Variants in INPP4B observed in about 807,000 individuals in gnomAD.
INPP4B encodes the protein inositol polyphosphate-4-phosphatase type II B.
Under a neutral mutation model 122.5 loss-of-function variants are expected in INPP4B, and 55 were observed. The ratio of observed to expected loss-of-function variants is 0.45; its 90% CI spans 0.36 to 0.56. The LOEUF is 0.56. Ranked by LOEUF, INPP4B falls within the 20% of genes least tolerant of loss-of-function variation. INPP4B has a pLI of 0.00. For synonymous variants in INPP4B, 403 were observed against 388.7 expected, an observed-to-expected ratio of 1.04 and a Z score of -0.43; for missense variants, 1,000 against 1,097.7, an observed-to-expected ratio of 0.91 and a Z score of 1.26.
At chr4:142,543,112 C>G (rs1033667947) in intron 2 of INPP4B, among the ~76,000 whole-genome samples, 1 of 152,140 alleles carries the variant, frequency 6.6e-6, no homozygotes, top group Non-Finnish European at 1.5e-5. Flanking sequence ...TGTATGTGCA[C>G]AATTTAGAAT....
chr4:142,316,085 T>A (rs774136343), intron 7 of INPP4B, among the ~76,000 whole-genome samples: 14 of 152,178 alleles, frequency 9.2e-5, no homozygotes, highest in Non-Finnish European at 1.9e-4. Flanking sequence ...CATTTGAACT[T>A]CTAGCTTAAT....
At chr4:142,677,112 C>A (rs1757927253) in intron 2 of INPP4B, among the ~76,000 whole-genome samples, 5 of 152,078 alleles carry the variant, frequency 3.3e-5, no homozygotes, top group Admixed American at 2.6e-4. Context: ...CAGCTAATAT[C>A]CAGAATCTAC....
At chr4:142,488,824 A>C (rs1821502105) in intron 2 of INPP4B, among the ~76,000 whole-genome samples, 1 of 151,538 alleles carries the variant, frequency 6.6e-6, no homozygotes, top group South Asian at 2.1e-4. Context: ...GAAAAACACA[A>C]CTTCCAGTCT....
chr4:142,370,484 A>G (rs148740516), intron 7 of INPP4B, among the ~76,000 whole-genome samples: 1 of 152,170 alleles, frequency 6.6e-6, no homozygotes. Flanking sequence ...AAGACATCCA[A>G]ATTGGAAAAG....
At chr4:142,487,016 G>A (rs1013836057) in intron 2 of INPP4B, among the ~76,000 whole-genome samples, 5 of 152,118 alleles carry the variant, frequency 3.3e-5, no homozygotes, top group East Asian at 1.9e-4. Flanking sequence ...TAATTCCCAC[G>A]TGTTTTGGGA....
chr4:142,487,718 T>A (rs1285247530), intron 2 of INPP4B, among the ~76,000 whole-genome samples: 2 of 152,152 alleles, frequency 1.3e-5, no homozygotes, highest in Non-Finnish European at 2.9e-5. Flanking sequence ...TAATCTAAAA[T>A]TTATTTGCAG....
At chr4:142,681,239 T>C (rs944024291) in intron 2 of INPP4B, among the ~76,000 whole-genome samples, 3 of 151,824 alleles carry the variant, frequency 2.0e-5, no homozygotes, top group Non-Finnish European at 4.4e-5. Flanking sequence ...TACCATCCTT[T>C]TTTGAAACTC....
intron 14 of INPP4B, among the ~76,000 whole-genome samples, chr4:142,203,923 T>A (rs1440598058): frequency 6.6e-6 from 1 of 152,118 alleles, no homozygotes; most frequent in Non-Finnish European, 1.5e-5. Flanking sequence ...ATTATTACCT[T>A]GCAATAATAA....
intron 3 of INPP4B, among the ~76,000 whole-genome samples, chr4:142,449,610 G>T (rs1039398333): frequency 6.6e-6 from 1 of 151,954 alleles, no homozygotes; most frequent in Non-Finnish European, 1.5e-5. Flanking sequence ...GCTGAGACAG[G>T]AGAATCGCTT....
intron 3 of INPP4B, among the ~76,000 whole-genome samples, chr4:142,440,085 T>G (rs1459276820): frequency 6.6e-6 from 1 of 152,244 alleles, no homozygotes; most frequent in African/African-American, 2.4e-5. Context: ...AGCAACAAGA[T>G]TGATTCCAAT....
chr4:142,594,464 T>A lies in INPP4B; in HGVS notation c.-191+131375A>T, dbSNP rs538654788. Among the ~76,000 whole-genome samples, 70 of 152,192 alleles carry A rather than the reference T, an allele frequency of 4.6e-4. 2 individuals are homozygous for A. Among genetic ancestry groups the A allele is most frequent in the Non-Finnish European group, 4.1e-4 (28 of 68,030 alleles). On this transcript the variant is annotated intron_variant, in intron 2 of 25. Transcript: ENST00000262992. ...TCTGTAAGGTGGATATTATGGTCAA[T>A]TCCATTTATTCAGATGAGAAAACAG...
In INPP4B at chr4:142,759,825, T is replaced by TAAAAAAAAAAAAAAAAAAA. The variant is rs70949188; in HGVS notation, c.-253-33943_-253-33925dup. Among the ~76,000 whole-genome samples, 37 of 70,044 alleles carry TAAAAAAAAAAAAAAAAAAA rather than the reference T, an allele frequency of 5.3e-4. 1 individual carries two copies. Among genetic ancestry groups the TAAAAAAAAAAAAAAAAAAA allele is most frequent in the African/African-American group, 1.7e-3 (31 of 17,892 alleles). 46.0% of individuals were successfully genotyped at this position (70,044 alleles called of 152,430 possible). On this transcript the variant is annotated intron_variant, in intron 1 of 25. Coordinates refer to ENST00000262992, the MANE Select transcript of INPP4B (RefSeq NM_001101669.3). ...CCCAGAGCTTATATAGAGCTTTTTC[T>TAAAAAAAAAAAAAAAAAAA]AAAAAAAAAAAAAAAAAAAAAAAAA...
chr4:142,157,953 C>T (rs1818085565), intron 17 of INPP4B, among the ~76,000 whole-genome samples: 1 of 152,008 alleles, frequency 6.6e-6, no homozygotes, highest in Non-Finnish European at 1.5e-5. Context: ...ATCTTCACAT[C>T]CTCCCTGCAG....
At chr4:142,487,834 A>G (rs1383852088) in intron 2 of INPP4B, among the ~76,000 whole-genome samples, 1 of 152,148 alleles carries the variant, frequency 6.6e-6, no homozygotes, top group African/African-American at 2.4e-5. Flanking sequence ...TGATTTGTCA[A>G]GATTTTCTGC....
chr4:142,710,800 T>C (rs1763027967), intron 2 of INPP4B, among the ~76,000 whole-genome samples: 1 of 152,208 alleles, frequency 6.6e-6, no homozygotes, highest in Non-Finnish European at 1.5e-5. Context: ...ATATAATACA[T>C]TCATAGTTGA....
chr4:142,652,938 A>C (rs1241911261), intron 2 of INPP4B, among the ~76,000 whole-genome samples: 1 of 152,214 alleles, frequency 6.6e-6, no homozygotes, highest in Non-Finnish European at 1.5e-5. Flanking sequence ...CAAAAGGTAC[A>C]AAGCTGGAGG....
intron 2 of INPP4B, among the ~76,000 whole-genome samples, chr4:142,662,676 G>C (rs1755411556): frequency 6.6e-6 from 1 of 152,182 alleles, no homozygotes; most frequent in Non-Finnish European, 1.5e-5. Flanking sequence ...AAGGTGGAAA[G>C]AGCCTGGGTT....
intron 3 of INPP4B, among the ~76,000 whole-genome samples, chr4:142,459,939 T>C (rs1207338332): frequency 3.3e-5 from 5 of 152,214 alleles, no homozygotes; most frequent in Admixed American, 2.6e-4. Context: ...AAAGGATAAA[T>C]GAATGTGCCT....
intron 1 of INPP4B, among the ~76,000 whole-genome samples, chr4:142,735,216 A>T (rs944693427): frequency 6.6e-6 from 1 of 152,182 alleles, no homozygotes; most frequent in Non-Finnish European, 1.5e-5. Flanking sequence ...GCATATTTGT[A>T]TACTTAACAG....
Sources: allele counts gnomAD v4.1 joint callset (sites outside exome capture counted in the v4.1 genomes callset), GRCh38; gene constraint gnomAD v4.1.1; transcripts MANE v1.5; gene names NCBI Gene and HGNC (gene_info 2026-07-23, HGNC 2026-07-21).